The following ABLIM1 variants were observed in gnomAD, a reference collection of about 807,000 sequenced individuals.
The protein encoded by ABLIM1 is actin binding LIM protein 1.
Under a neutral mutation model 107.0 loss-of-function variants are expected in ABLIM1, and 40 were observed. The ratio of observed to expected loss-of-function variants is 0.37; its 90% CI spans 0.29 to 0.49. The LOEUF is 0.49. Ranked by LOEUF, ABLIM1 falls within the 20% of genes least tolerant of loss-of-function variation. The pLI is 0.97. For missense variants in ABLIM1, 857 were observed against 1,008.5 expected (o/e 0.85, Z 2.04); for synonymous variants, 357 against 357.3 (o/e 1.00, Z 0.01).
chr10:114,463,269 T>C (rs2064340959), intron 12 of ABLIM1: 1 of 1,105,142 alleles, frequency 9.0e-7, no homozygotes, highest in Non-Finnish European at 1.2e-6. Context: ...GAAAACAAAA[T>C]AAAGAACGTT....
In ABLIM1 at chr10:114,647,242, G is replaced by T. The variant is rs182706295; in HGVS notation, c.244+10715C>A. Among the ~76,000 whole-genome samples, 1,190 of 145,636 alleles carry T rather than the reference G, an allele frequency of 8.2e-3. 15 individuals carry two copies. Among genetic ancestry groups the T allele is most frequent in the Non-Finnish European group, 0.012 (788 of 67,528 alleles). ...TTGAACTGCTGACCTCAGGTGATCC[G>T]CCTGCCTCGGCCTCCCAAAGTACTG... is the stretch of plus-strand genomic sequence containing the variant. On this transcript the variant is annotated intron_variant, in intron 1 of 22. Transcript: ENST00000533213.
At chr10:114,487,783 C>T (rs1386029452) in intron 8 of ABLIM1, among the ~76,000 whole-genome samples, 175 bp downstream of exon 8, 2 of 152,116 alleles carry the variant, frequency 1.3e-5, no homozygotes, top group South Asian at 2.1e-4. Context: ...AACCACAGTA[C>T]GTTTAAGGTA....
At chr10:114,573,385 A>G (rs2071987354) in intron 3 of ABLIM1, among the ~76,000 whole-genome samples, 1 of 152,238 alleles carries the variant, frequency 6.6e-6, no homozygotes, top group Admixed American at 6.5e-5. Flanking sequence ...CCCAATTCAG[A>G]CAGAATTATC....
intron 12 of ABLIM1, chr10:114,463,242 G>C (rs1235225916): frequency 3.4e-6 from 4 of 1,189,128 alleles, no homozygotes; most frequent in Admixed American, 3.5e-5. Flanking sequence ...AGCAGGGAAA[G>C]TGCCATCGTT....
At chr10:114,598,209 G>A (rs2139841014) in intron 2 of ABLIM1, among the ~76,000 whole-genome samples, 1 of 145,692 alleles carries the variant, frequency 6.9e-6, no homozygotes, top group Admixed American at 7.2e-5. Context: ...GGAAGGCGGA[G>A]GTTGCAGCGA....
intron 1 of ABLIM1, among the ~76,000 whole-genome samples, chr10:114,758,455 C>T (rs2142542901): frequency 6.6e-6 from 1 of 152,290 alleles, no homozygotes; most frequent in Middle Eastern, 3.4e-3. Flanking sequence ...CTTTGTTTTA[C>T]ACCAGAACAA....
chr10:114,634,357 C>G (rs1475188337), intron 1 of ABLIM1, among the ~76,000 whole-genome samples: 2 of 151,294 alleles, frequency 1.3e-5, no homozygotes, highest in Non-Finnish European at 2.9e-5. Flanking sequence ...TGGTCTCGAT[C>G]TCCTGACCTC....
At chr10:114,439,054 T>C (rs1301909952) in intron 21 of ABLIM1, 122 bp downstream of exon 21, 5 of 1,183,334 alleles carry the variant, frequency 4.2e-6, no homozygotes, top group Admixed American at 3.9e-5. Flanking sequence ...TGCATATTCA[T>C]GACATGGCTC....
intron 4 of ABLIM1, 122 bp from the exon 5 acceptor site, chr10:114,547,898 T>A (rs950203354): frequency 1.5e-6 from 2 of 1,319,380 alleles, no homozygotes; most frequent in African/African-American, 1.5e-5. Flanking sequence ...TCAAGCACCA[T>A]CTCGGGTCAG....
chr10:114,797,713 G>A, the ABLIM1 span, among the ~76,000 whole-genome samples: 1 of 152,124 alleles, frequency 6.6e-6, no homozygotes, highest in Non-Finnish European at 1.5e-5. Flanking sequence ...TGAAATACAG[G>A]AAGTCTCAAC....
At chr10:114,680,505 A>G (rs1332829244) in intron 1 of ABLIM1, among the ~76,000 whole-genome samples, 6 of 152,364 alleles carry the variant, frequency 3.9e-5, no homozygotes, top group African/African-American at 1.4e-4. Context: ...CATGTTAGCA[A>G]GGGGAAAATA....
intron 6 of ABLIM1, among the ~76,000 whole-genome samples, chr10:114,498,346 C>A (rs771833412): frequency 3.3e-5 from 5 of 152,130 alleles, no homozygotes; most frequent in Non-Finnish European, 5.9e-5. Flanking sequence ...TTCTTGATGG[C>A]AGAAAAATGG....
At chr10:114,761,069 T>A (rs1382055929) in intron 1 of ABLIM1, among the ~76,000 whole-genome samples, 2 of 151,992 alleles carry the variant, frequency 1.3e-5, no homozygotes, top group African/African-American at 4.8e-5. Context: ...TCACACCAAA[T>A]AAGAACTCTT....
At chr10:114,681,976 C>G (rs535794033) in intron 1 of ABLIM1, among the ~76,000 whole-genome samples, 1 of 152,330 alleles carries the variant, frequency 6.6e-6, no homozygotes, top group South Asian at 2.1e-4. Flanking sequence ...TTTCCATTCT[C>G]TCATATGAAA....
upstream of ABLIM1, among the ~76,000 whole-genome samples, chr10:114,769,220 C>T (rs1211513095): frequency 7.0e-6 from 1 of 143,538 alleles, no homozygotes; most frequent in Non-Finnish European, 1.5e-5. Context: ...CCTTGGTGAC[C>T]GGTGCTTGTA....
At chr10:114,571,704 C>G (rs966306201) in intron 3 of ABLIM1, among the ~76,000 whole-genome samples, 4 of 152,132 alleles carry the variant, frequency 2.6e-5, no homozygotes, top group East Asian at 1.9e-4. Context: ...TAGCAGGGCA[C>G]ACAGAACAGT....
the ABLIM1 span, among the ~76,000 whole-genome samples, chr10:114,776,957 A>G: frequency 6.6e-6 from 1 of 152,194 alleles, no homozygotes; most frequent in East Asian, 1.9e-4. Context: ...CAGTTTGACT[A>G]TGATATACCT....
At chr10:114,442,997 C>G (rs1447080734) in intron 17 of ABLIM1, among the ~76,000 whole-genome samples, 2 of 152,098 alleles carry the variant, frequency 1.3e-5, no homozygotes, top group Admixed American at 6.5e-5. Flanking sequence ...CGCCACCACA[C>G]CTGGCTGATT....
chr10:114,737,021 T>C (rs1317492370), intron 1 of ABLIM1, among the ~76,000 whole-genome samples: 1 of 152,138 alleles, frequency 6.6e-6, no homozygotes, highest in African/African-American at 2.4e-5. Flanking sequence ...AAACCCCATC[T>C]CTACTAAAAA....
Sources: allele counts gnomAD v4.1 joint callset (sites outside exome capture counted in the v4.1 genomes callset), GRCh38; gene constraint gnomAD v4.1.1; transcripts MANE v1.5; gene names NCBI Gene and HGNC (gene_info 2026-07-23, HGNC 2026-07-21).